APBB2: variants seen among roughly 807,000 people sequenced by gnomAD.
The protein encoded by APBB2 is amyloid beta precursor protein binding family B member 2.
A neutral mutation model predicts 82.5 loss-of-function variants in APBB2; 38 were observed. The observed-to-expected ratio is 0.46, with a 90% CI of 0.36 to 0.60. The LOEUF is 0.60. Ranked by LOEUF, APBB2 falls within the 20% of genes least tolerant of loss-of-function variation. APBB2 has a pLI of 0.00. For synonymous variants in APBB2, 341 were observed against 368.2 expected (o/e 0.93, Z 0.85); for missense variants, 772 against 972.3 (o/e 0.79, Z 2.74).
intron 5 of APBB2, among the ~76,000 whole-genome samples, chr4:41,027,512 G>A (rs141781303): frequency 0.011 from 1,651 of 151,610 alleles, 20 homozygotes; most frequent in South Asian, 0.044. Flanking sequence ...GCCAACACTT[G>A]TTATTGTCTT....
intron 6 of APBB2, among the ~76,000 whole-genome samples, chr4:41,004,030 C>A (rs1805965678): frequency 1.3e-5 from 2 of 151,282 alleles, no homozygotes; most frequent in Non-Finnish European, 2.9e-5. Flanking sequence ...GGATTTCTAG[C>A]CTCCAGAATG....
Position 40,832,005 on chromosome 4 carries a change from T to C in APBB2, c.1530-1428A>G, listed in dbSNP as rs564302265. On this transcript the variant is annotated intron_variant, in intron 12 of 17. Transcript: ENST00000508593. This position sits in a 1 kb window ranked among gnomAD's most constrained non-coding sequence, Gnocchi z 4.8. ...TTACACACACACATATTTATATATT[T>C]ATTTATATACACACACACACACACA... Among the ~76,000 whole-genome samples the C allele has an allele frequency of 1.8e-5, 1 of 55,126 alleles. No individual in the cohort carries two copies. The highest frequency in any genetic ancestry group is 8.7e-5 in the African/African-American group (1 of 11,468). The allele number at this position is 55,126 out of a possible 152,430, so 36.2% of individuals were successfully genotyped here.
At position 41,138,473 on chromosome 4, in the gene APBB2, A is replaced by C. The variant is rs1048167723; in HGVS notation, c.-261+4514T>G. 1.8e-4 allele frequency among the ~76,000 whole-genome samples: 27 copies of C among 151,442 alleles called. No individual in the cohort carries two copies. The Admixed American group carries it at 1.8e-3, about 10-fold the overall frequency. ...GACTAGAAGAAAATATGTGCAAATC[A>C]TATATCCAATAAAGAGCTTATATCA... On this transcript the variant is annotated intron_variant, in intron 2 of 17. Transcript: ENST00000508593.
At chr4:41,103,108 GA>G (rs1746016102) in intron 2 of APBB2, among the ~76,000 whole-genome samples, 1 of 152,182 alleles carries the variant, frequency 6.6e-6, no homozygotes, top group Non-Finnish European at 1.5e-5. Flanking sequence ...TTATGTTTAA[GA>G]GGACAGCAAC....
At chr4:40,935,912 T>A (rs1488890190) in intron 7 of APBB2, among the ~76,000 whole-genome samples, 6 of 152,220 alleles carry the variant, frequency 3.9e-5, no homozygotes, top group South Asian at 2.1e-4. Flanking sequence ...AACTGCTCCA[T>A]CCACCTCAGA....
intron 6 of APBB2, among the ~76,000 whole-genome samples, chr4:40,972,211 A>G (rs1796090648): frequency 1.3e-5 from 2 of 152,038 alleles, no homozygotes; most frequent in Admixed American, 1.3e-4. Flanking sequence ...GGTGGATCAC[A>G]GGGTCAGGAG....
At chr4:40,995,531 ATG>A (rs1162384213) in intron 6 of APBB2, among the ~76,000 whole-genome samples, 1 of 151,204 alleles carries the variant, frequency 6.6e-6, no homozygotes, top group African/African-American at 2.5e-5. Context: ...TATCTGGCTA[ATG>A]TTTAAAAAAA....
chr4:40,870,207 G>A (rs972967662), intron 12 of APBB2, among the ~76,000 whole-genome samples: 2 of 152,120 alleles, frequency 1.3e-5, no homozygotes, highest in East Asian at 3.9e-4. Flanking sequence ...AATGCTCCAG[G>A]AATCTCAACA....
intron 2 of APBB2, among the ~76,000 whole-genome samples, chr4:41,137,018 G>A (rs1757757489): frequency 6.6e-6 from 1 of 152,076 alleles, no homozygotes; most frequent in Non-Finnish European, 1.5e-5. Context: ...TTCACACTTA[G>A]CTATTCAGAA....
At chr4:41,101,449 C>T (rs1429046080) in intron 2 of APBB2, among the ~76,000 whole-genome samples, 20 of 108,878 alleles carry the variant, frequency 1.8e-4, no homozygotes, top group Admixed American at 2.9e-4. Flanking sequence ...CCGACCTGGG[C>T]GACAGAGCGA....
rs117645052 is a variant in APBB2 at position 41,126,989 on chromosome 4, C to G, written c.-261+15998G>C. ...GAATTTTGGGGAGACACAATTCAGTCCATAACACTGTTGGAATCACTAACA... is the reference window on the plus strand; with the variant it reads ...GAATTTTGGGGAGACACAATTCAGTGCATAACACTGTTGGAATCACTAACA... On this transcript the variant is annotated intron_variant, in intron 2 of 17. Transcript: ENST00000508593. 5.7e-4 allele frequency among the ~76,000 whole-genome samples: 87 copies of G among 152,260 alleles called. 1 individual carries two copies. The East Asian group carries it at 0.01, about 18-fold the overall frequency.
intron 12 of APBB2, chr4:40,879,956 T>C: frequency 1.0e-6 from 1 of 961,002 alleles, no homozygotes; most frequent in Non-Finnish European, 1.2e-6. Flanking sequence ...CCTCTCAAAG[T>C]GCTGGGATTA....
intron 3 of APBB2, among the ~76,000 whole-genome samples, chr4:41,100,371 T>G (rs1313128747): frequency 3.3e-5 from 5 of 152,302 alleles, no homozygotes; most frequent in Middle Eastern, 6.8e-3. Context: ...CACTTGCAAA[T>G]CTGATAAAAG....
At chr4:41,085,956 C>T (rs1482312304) in intron 3 of APBB2, among the ~76,000 whole-genome samples, 1 of 151,874 alleles carries the variant, frequency 6.6e-6, no homozygotes, top group African/African-American at 2.4e-5. Context: ...TTTAGGTAGA[C>T]TGACTAAGAA....
At chr4:41,045,611 G>A (rs572645046) in intron 4 of APBB2, among the ~76,000 whole-genome samples, 2 of 152,254 alleles carry the variant, frequency 1.3e-5, no homozygotes, top group East Asian at 1.9e-4. Context: ...ATTTCTAATT[G>A]AGCGTGTCTT....
chr4:41,032,344 G>A (rs1717138744), intron 5 of APBB2, among the ~76,000 whole-genome samples: 1 of 152,076 alleles, frequency 6.6e-6, no homozygotes, highest in African/African-American at 2.4e-5. Flanking sequence ...TCCTTATTAT[G>A]TAACTGTGAG....
intron 1 of APBB2, among the ~76,000 whole-genome samples, chr4:41,191,367 C>T (rs1774391523): frequency 6.6e-6 from 1 of 152,200 alleles, no homozygotes; most frequent in Non-Finnish European, 1.5e-5. Flanking sequence ...CTGACAACAT[C>T]AACAGCTATC....
chr4:40,982,400 G>GGAAAGGAAGAAAGAAAGAAA (rs1799221259), intron 6 of APBB2, among the ~76,000 whole-genome samples: 1 of 16,046 alleles, frequency 6.2e-5, no homozygotes, highest in African/African-American at 2.0e-4. Context: ...GGAAAGGAAA[G>GGAAAGGAAGAAAGAAAGAAA]GAAAGAAAGA....
intron 2 of APBB2, among the ~76,000 whole-genome samples, chr4:41,113,456 T>G (rs1749910437): frequency 6.6e-6 from 1 of 152,138 alleles, no homozygotes; most frequent in Non-Finnish European, 1.5e-5. Flanking sequence ...GTCACTCATC[T>G]AGTCAACATA....
Sources: gnomAD v4.1 joint callset for allele counts (sites outside exome capture counted in the v4.1 genomes callset) on GRCh38, gnomAD v4.1.1 for gene constraint, Gnocchi (gnomAD v3.1) non-coding constraint, MANE v1.5 for transcripts, NCBI Gene and HGNC (gene_info 2026-07-23, HGNC 2026-07-21) for gene names.